ZC3H18: variants seen among roughly 807,000 people sequenced by gnomAD.
The protein encoded by ZC3H18 is zinc finger CCCH-type containing 18.
ZC3H18 carries 8 observed loss-of-function variants against 106.1 expected under a neutral mutation model. The observed-to-expected ratio is 0.08, with a 90% CI of 0.04 to 0.14. ZC3H18 has a LOEUF of 0.14. Ranked by LOEUF, ZC3H18 falls within the 10% of genes least tolerant of loss-of-function variation. The probability of loss-of-function intolerance (pLI) is 1.00; values close to 1 mark genes in which losing one functional copy is unlikely to be tolerated. For missense variants in ZC3H18, 1,318 were observed against 1,278.4 expected, an observed-to-expected ratio of 1.03 and a Z score of -0.47; for synonymous variants, 635 against 522.1, an observed-to-expected ratio of 1.22 and a Z score of -2.95.
At chr16:88,580,834 A>C (rs1915083584) in intron 2 of ZC3H18, among the ~76,000 whole-genome samples, 1 of 152,084 alleles carries the variant, frequency 6.6e-6, no homozygotes, top group South Asian at 2.1e-4. Context: ...CCGTTCTAGA[A>C]GACATTTTTC....
rs1011257459 is a variant in ZC3H18, at chr16:88,575,359, A to G, written c.-14-1751A>G. 1.3e-5 allele frequency among the ~76,000 whole-genome samples: 2 copies of G among 152,010 alleles called. 1 individual carries two copies. Among genetic ancestry groups the G allele is most frequent in the Non-Finnish European group, 2.9e-5 (2 of 67,928 alleles). On this transcript the variant is annotated intron_variant, in intron 1 of 17. Coordinates refer to ENST00000301011, the MANE Select transcript of ZC3H18 (RefSeq NM_144604.4). ...CGTCCGTAGTTATCTTGAGATGAAT[A>G]ATCTGTTTCCAGACCTTGCCGAGAT...
At chr16:88,573,697 C>T (rs145941479) in intron 1 of ZC3H18, among the ~76,000 whole-genome samples, 158 of 152,084 alleles carry the variant, frequency 1.0e-3, no homozygotes, top group African/African-American at 3.5e-3. Context: ...CAGGTACATG[C>T]CACCACTCCT....
intron 16 of ZC3H18, 198 bp from the exon 17 acceptor site, chr16:88,630,287 G>C (rs1906580327): frequency 1.9e-6 from 1 of 539,196 alleles, no homozygotes; most frequent in South Asian, 2.5e-5. Flanking sequence ...TTTGGCCTCA[G>C]CCTCATTTCC....
chr16:88,577,013 C>A (rs1914792728), intron 1 of ZC3H18, 97 bp from the exon 2 acceptor site: 2 of 1,315,200 alleles, frequency 1.5e-6, no homozygotes, highest in East Asian at 2.4e-5. Flanking sequence ...TGGGACCAAG[C>A]AGGATGGAAG....
chr16:88,608,793 C>T (rs1293849694), intron 6 of ZC3H18, 141 bp from the exon 7 acceptor site: 2 of 613,026 alleles, frequency 3.3e-6, no homozygotes, highest in Admixed American at 2.7e-5. Flanking sequence ...AACAGATTTC[C>T]TAACCTTGAG....
chr16:88,579,546 CG>C (rs1567576705), intron 2 of ZC3H18, among the ~76,000 whole-genome samples: 1 of 152,186 alleles, frequency 6.6e-6, no homozygotes, highest in African/African-American at 2.4e-5. Flanking sequence ...ACCATGGGCG[CG>C]GGCGGTGCGG....
chr16:88,630,258 C>G (rs938597588), intron 16 of ZC3H18: 4 of 511,410 alleles, frequency 7.8e-6, no homozygotes, highest in Non-Finnish European at 1.4e-5. Context: ...TGGCTGCTTG[C>G]TGGAACCTGG....
rs146917276 is a variant in ZC3H18 at position 88,572,856 on chromosome 16, C to G, written c.-15+2290C>G. Among the ~76,000 whole-genome samples, 578 of 152,180 alleles carry G rather than the reference C, an allele frequency of 3.8e-3. 7 individuals are homozygous for G. The highest frequency in any genetic ancestry group is 0.013 in the African/African-American group (545 of 41,550). ...CACTGCAACCTCCTCCTCCTGGGTT[C>G]AAGTGATTCTCCTGCCTCAGCCTCC... On this transcript the variant is annotated intron_variant, in intron 1 of 17. Coordinates refer to ENST00000301011, the MANE Select transcript of ZC3H18 (RefSeq NM_144604.4).
chr16:88,628,641 TG>T, intron 15 of ZC3H18, 116 bp from the exon 16 acceptor site: 1 of 1,082,162 alleles, frequency 9.2e-7, no homozygotes, highest in Non-Finnish European at 1.4e-6. Flanking sequence ...CATGGGTGTG[TG>T]GTGGGACCTT....
chr16:88,604,388 T>C (rs1904908136), intron 6 of ZC3H18, among the ~76,000 whole-genome samples: 1 of 148,936 alleles, frequency 6.7e-6, no homozygotes, highest in South Asian at 2.1e-4. Context: ...ATGTAAGACA[T>C]TAAGAAATGA....
At chr16:88,610,005 G>A (rs1905199424) in intron 7 of ZC3H18, among the ~76,000 whole-genome samples, 1 of 151,952 alleles carries the variant, frequency 6.6e-6, no homozygotes, top group Non-Finnish European at 1.5e-5. Flanking sequence ...CCACCCCTCA[G>A]TGATCCCGTT....
rs142280171 is a variant in ZC3H18 at position 88,631,146 on chromosome 16, G to T, written c.2709G>T (p.Thr903=). ...AGTCCAAGAGCTCCAGCAAGGTCAC[G>T]AGCGTGCCCGGCAAAGCCTCGGATC... ...SPQSKSSSKV[T]SVPGKASDPG... The change falls in exon 18 of 18, where the codon ACG becomes ACT. Residue 903 remains threonine (T), a synonymous_variant. Coordinates refer to ENST00000301011, the MANE Select transcript of ZC3H18 (RefSeq NM_144604.4). The T allele has an allele frequency of 6.2e-6, 10 of 1,613,248 alleles. No homozygotes were observed. The highest frequency in any genetic ancestry group is 8.5e-6 in the Non-Finnish European group (10 of 1,180,036).
intron 16 of ZC3H18, among the ~76,000 whole-genome samples, chr16:88,629,639 G>C (rs1167494658): frequency 6.6e-6 from 1 of 152,204 alleles, no homozygotes; most frequent in East Asian, 1.9e-4. Flanking sequence ...CCTGCGGACT[G>C]AGTGACGAGG....
At chr16:88,600,474 G>A (rs528424571) in intron 6 of ZC3H18, among the ~76,000 whole-genome samples, 7 of 152,124 alleles carry the variant, frequency 4.6e-5, no homozygotes, top group South Asian at 2.1e-4. Context: ...GTGCAGTTGC[G>A]CAATCTTGGC....
chr16:88,630,259 TG>T (rs1246593467), intron 16 of ZC3H18: 1 of 514,788 alleles, frequency 1.9e-6, no homozygotes, highest in African/African-American at 1.9e-5. Flanking sequence ...GGCTGCTTGC[TG>T]GAACCTGGGG....
chr16:88,602,640 T>C (rs1483043722), intron 6 of ZC3H18, among the ~76,000 whole-genome samples: 1 of 152,262 alleles, frequency 6.6e-6, no homozygotes, highest in Non-Finnish European at 1.5e-5. Context: ...ACACAAATTC[T>C]CTGAAGATAC....
chr16:88,574,125 T>G (rs1171789170), intron 1 of ZC3H18, among the ~76,000 whole-genome samples: 1 of 152,084 alleles, frequency 6.6e-6, no homozygotes, highest in African/African-American at 2.4e-5. Flanking sequence ...TCCACCCGCG[T>G]CAGTCTTCCA....
chr16:88,625,905 C>T (rs992435277), intron 13 of ZC3H18: 3 of 145,490 alleles, frequency 2.1e-5, no homozygotes, highest in African/African-American at 7.8e-5. Context: ...TGCAATGGCG[C>T]GATCTCGCTA....
chr16:88,576,602 A>G (rs942921524), intron 1 of ZC3H18, among the ~76,000 whole-genome samples: 1 of 152,136 alleles, frequency 6.6e-6, no homozygotes, highest in Non-Finnish European at 1.5e-5. Context: ...GTGTTCAGTA[A>G]CAGAAAAGGC....
Sources: gnomAD v4.1 joint callset for allele counts (sites outside exome capture counted in the v4.1 genomes callset) on GRCh38, gnomAD v4.1.1 for gene constraint, MANE v1.5 for transcripts, NCBI Gene and HGNC (gene_info 2026-07-23, HGNC 2026-07-21) for gene names.